Variants in KAZN observed in about 807,000 individuals in gnomAD.
KAZN encodes the protein kazrin, periplakin interacting protein, also known as kazrin.
Under a neutral mutation model 87.4 loss-of-function variants are expected in KAZN, and 40 were observed. The observed-to-expected ratio is 0.46, with a 90% CI of 0.36 to 0.60. The LOEUF (loss-of-function observed/expected upper bound fraction) is 0.60. Among genes scored for constraint, KAZN ranks in the 20% least tolerant of loss-of-function variants. The probability of loss-of-function intolerance (pLI) is 0.00; values close to 1 mark genes in which losing one functional copy is unlikely to be tolerated. For synonymous variants in KAZN, 466 were observed against 458.3 expected (o/e 1.02, Z -0.22); for missense variants, 898 against 1,073.9 (o/e 0.84, Z 2.29).
intron 3 of KAZN, among the ~76,000 whole-genome samples, chr1:15,042,543 G>C (rs1157533866): frequency 2.0e-5 from 3 of 152,140 alleles, no homozygotes; most frequent in African/African-American, 7.2e-5. Context: ...AGCTCTCCAG[G>C]TGGATTCCTT....
intron 1 of KAZN, among the ~76,000 whole-genome samples, chr1:13,993,389 T>TA (rs1431620791): frequency 2.0e-5 from 3 of 151,516 alleles, no homozygotes; most frequent in East Asian, 1.9e-4. Flanking sequence ...GAGCATAACT[T>TA]AAAAAAAAGG....
chr1:14,004,608 T>C (rs2101158756), intron 1 of KAZN, among the ~76,000 whole-genome samples: 1 of 152,318 alleles, frequency 6.6e-6, no homozygotes, highest in African/African-American at 2.4e-5. Context: ...GTACTGGTGA[T>C]GTTCTGTTTC....
intron 1 of KAZN, among the ~76,000 whole-genome samples, chr1:14,606,640 CAGT>C: frequency 6.6e-6 from 1 of 152,224 alleles, no homozygotes; most frequent in Admixed American, 6.5e-5. Flanking sequence ...TCTGTGGCCT[CAGT>C]AGCCTCTAGC....
At chr1:13,909,781 G>T (rs771584721) in intron 1 of KAZN, among the ~76,000 whole-genome samples, 1 of 152,204 alleles carries the variant, frequency 6.6e-6, no homozygotes, top group Non-Finnish European at 1.5e-5. Context: ...GAAAGATTTG[G>T]TCTGAGTTGA....
intron 2 of KAZN, among the ~76,000 whole-genome samples, chr1:14,524,469 C>T (rs909670289): frequency 6.6e-6 from 1 of 152,156 alleles, no homozygotes; most frequent in Non-Finnish European, 1.5e-5. Flanking sequence ...CGTCTCATTT[C>T]TAAAAACAAA....
At chr1:14,584,108 C>T (rs1294207678) in intron 2 of KAZN, among the ~76,000 whole-genome samples, 1 of 152,202 alleles carries the variant, frequency 6.6e-6, no homozygotes, top group East Asian at 1.9e-4. Flanking sequence ...ATCACTCCCC[C>T]AGCCCTGGAC....
intron 2 of KAZN, among the ~76,000 whole-genome samples, chr1:14,462,644 T>A (rs1667916032): frequency 6.6e-6 from 1 of 152,136 alleles, no homozygotes; most frequent in Non-Finnish European, 1.5e-5. Flanking sequence ...ACTCCCAATT[T>A]CACATGGCTG....
chr1:14,092,565 A>G (rs747802064), intron 1 of KAZN, among the ~76,000 whole-genome samples: 18 of 126,018 alleles, frequency 1.4e-4, no homozygotes, highest in Non-Finnish European at 2.7e-4. Flanking sequence ...ATACACACAT[A>G]TATACATATG....
intron 2 of KAZN, among the ~76,000 whole-genome samples, chr1:14,292,861 G>A (rs1394994613): frequency 6.6e-6 from 1 of 152,202 alleles, no homozygotes; most frequent in Non-Finnish European, 1.5e-5. Flanking sequence ...CTTAGCTTTT[G>A]CTCTTGTAAA....
intron 1 of KAZN, among the ~76,000 whole-genome samples, chr1:14,807,128 C>CA (rs1646248544): frequency 1.3e-5 from 2 of 152,144 alleles, no homozygotes; most frequent in Admixed American, 1.3e-4. Context: ...GAGAAGTGGG[C>CA]CCAGCACATC....
intron 2 of KAZN, among the ~76,000 whole-genome samples, chr1:14,415,435 C>T (rs1664669327): frequency 6.6e-6 from 1 of 152,136 alleles, no homozygotes; most frequent in African/African-American, 2.4e-5. Flanking sequence ...GGGCCACTGT[C>T]CTGTCCCTAT....
chr1:14,359,698 G>A (rs149749674), intron 2 of KAZN, among the ~76,000 whole-genome samples: 3,641 of 152,174 alleles, frequency 0.024, 139 homozygotes, highest in African/African-American at 0.082. Context: ...CTTATGAAGC[G>A]TCGTTTGGCT....
chr1:14,405,963 A>G (rs1190756004), intron 2 of KAZN, among the ~76,000 whole-genome samples: 1 of 152,208 alleles, frequency 6.6e-6, no homozygotes, highest in Non-Finnish European at 1.5e-5. Context: ...ACTGATTTAA[A>G]TGTCAATCTC....
chr1:14,646,297 A>C (rs1454869665), intron 1 of KAZN, among the ~76,000 whole-genome samples: 2 of 152,194 alleles, frequency 1.3e-5, no homozygotes, highest in African/African-American at 4.8e-5. Flanking sequence ...TGTAATCCCA[A>C]TACTTTGGGA....
rs1303806362 is a variant in KAZN at position 14,720,414 on chromosome 1, TG to T, written c.226+121192del. On this transcript the variant is annotated intron_variant, in intron 1 of 14. Coordinates refer to ENST00000376030, the MANE Select transcript of KAZN (RefSeq NM_201628.3). ...TGCCACCGTGAGTCTGATTCCTTTC[TG>T]TGTTTTTCGTTCTTGCCCCAAAAGG... 2.6e-5 allele frequency among the ~76,000 whole-genome samples: 4 copies of T among 152,196 alleles called. 1 individual carries two copies. The highest frequency in any genetic ancestry group is 2.9e-5 in the Non-Finnish European group (2 of 68,040).
At chr1:14,952,047 C>A (rs991016804) in intron 1 of KAZN, among the ~76,000 whole-genome samples, 1 of 152,170 alleles carries the variant, frequency 6.6e-6, no homozygotes. Context: ...CGCAACCCTA[C>A]ATGGGGTCAT....
At chr1:14,985,581 T>C (rs1237100873) in intron 2 of KAZN, among the ~76,000 whole-genome samples, 1 of 151,854 alleles carries the variant, frequency 6.6e-6, no homozygotes, top group Non-Finnish European at 1.5e-5. Context: ...GAGAAGGCGT[T>C]ACCAGTAATG....
chr1:14,265,218 T>A (rs1345422501), intron 2 of KAZN, among the ~76,000 whole-genome samples: 1 of 152,194 alleles, frequency 6.6e-6, no homozygotes, highest in Non-Finnish European at 1.5e-5. Flanking sequence ...GGTCTAACAC[T>A]ATTGTGGCTG....
intron 2 of KAZN, among the ~76,000 whole-genome samples, chr1:14,499,504 G>A (rs2148424454): frequency 6.6e-6 from 1 of 152,276 alleles, no homozygotes; most frequent in South Asian, 2.1e-4. Context: ...CGCCAGGATT[G>A]TGCAAAAGGG....
Sources: gnomAD v4.1 joint callset for allele counts (sites outside exome capture counted in the v4.1 genomes callset) on GRCh38, gnomAD v4.1.1 for gene constraint, MANE v1.5 for transcripts, NCBI Gene and HGNC (gene_info 2026-07-23, HGNC 2026-07-21) for gene names.